Variants in RBFOX1 observed in about 807,000 individuals in gnomAD.
RBFOX1 encodes the protein RNA binding fox-1 homolog 1.
Under a neutral mutation model 57.7 loss-of-function variants are expected in RBFOX1, and 8 were observed. That is an observed-to-expected ratio of 0.14 (90% CI 0.08 to 0.25). The LOEUF (loss-of-function observed/expected upper bound fraction) is 0.25. Among genes scored for constraint, RBFOX1 ranks in the 10% least tolerant of loss-of-function variants. RBFOX1 has a pLI of 1.00. For missense variants in RBFOX1, 611 were observed against 548.5 expected (o/e 1.11, Z -1.14); for synonymous variants, 326 against 222.4 (o/e 1.47, Z -4.15).
At chr16:5,350,087 G>A (rs567473047) in intron 1 of RBFOX1, among the ~76,000 whole-genome samples, 2 of 152,266 alleles carry the variant, frequency 1.3e-5, no homozygotes, top group Non-Finnish European at 2.9e-5. Flanking sequence ...GGTAGAAGTG[G>A]GATCTTTTAA....
chr16:5,643,938 G>A (rs1416529543), intron 3 of RBFOX1, among the ~76,000 whole-genome samples: 1 of 152,158 alleles, frequency 6.6e-6, no homozygotes, highest in Non-Finnish European at 1.5e-5. Context: ...TATACCAAAT[G>A]GGCCTATTTA....
intron 1 of RBFOX1, among the ~76,000 whole-genome samples, chr16:6,291,949 A>ATGTGTGTG (rs112285049): frequency 1.7e-4 from 25 of 149,544 alleles, no homozygotes; most frequent in African/African-American, 3.9e-4. Flanking sequence ...GTTGGAATGA[A>ATGTGTGTG]TGTGTGTGTG....
intron 4 of RBFOX1, among the ~76,000 whole-genome samples, chr16:7,223,001 C>G (rs1490430801): frequency 6.6e-6 from 1 of 152,180 alleles, no homozygotes; most frequent in Non-Finnish European, 1.5e-5. Flanking sequence ...TGGTCAGACC[C>G]ATGAGGCTTC....
At chr16:6,983,359 G>A (rs2089453846) in intron 3 of RBFOX1, among the ~76,000 whole-genome samples, 1 of 151,972 alleles carries the variant, frequency 6.6e-6, no homozygotes, top group South Asian at 2.1e-4. Context: ...AATTATTGGT[G>A]GGGGGTGGTC....
Position 6,974,336 on chromosome 16 carries a change from C to CTTTTTTTTTTTTTTTTTTTTTTTTTT in RBFOX1, c.-15-77720_-15-77695dup, listed in dbSNP as rs59299498. ...ATATAAATCACATTTTTTTCTTTTT[C>CTTTTTTTTTTTTTTTTTTTTTTTTTT]TTTTTTTTTTTTTTTTTTTTTTTTT... On this transcript the variant is annotated intron_variant, in intron 3 of 15. Coordinates refer to ENST00000550418, the MANE Select transcript of RBFOX1 (RefSeq NM_018723.4). Among the ~76,000 whole-genome samples the CTTTTTTTTTTTTTTTTTTTTTTTTTT allele has an allele frequency of 1.2e-4, 7 of 58,664 alleles. 1 individual carries two copies. The highest frequency in any genetic ancestry group is 1.5e-4 in the Non-Finnish European group (5 of 32,730). 38.5% of individuals were successfully genotyped at this position (58,664 alleles called of 152,430 possible).
intron 1 of RBFOX1, among the ~76,000 whole-genome samples, chr16:6,296,142 A>G (rs1194083421): frequency 6.6e-6 from 1 of 152,126 alleles, no homozygotes; most frequent in Non-Finnish European, 1.5e-5. Flanking sequence ...GCACGGTTGG[A>G]AGGTCCCTCA....
At chr16:5,837,172 C>G (rs1270779161) in intron 3 of RBFOX1, among the ~76,000 whole-genome samples, 4 of 152,098 alleles carry the variant, frequency 2.6e-5, no homozygotes, top group African/African-American at 9.7e-5. Flanking sequence ...TTTCATGATC[C>G]TCCTTTCCCA....
intron 3 of RBFOX1, among the ~76,000 whole-genome samples, chr16:6,830,861 A>G (rs1323011958): frequency 6.6e-6 from 1 of 152,184 alleles, no homozygotes; most frequent in Non-Finnish European, 1.5e-5. Context: ...AAAATTATTC[A>G]AGATAGTAAC....
rs1270821846 is a variant in RBFOX1, at chr16:5,240,022, C to G, written c.136C>G (p.Pro46Ala). Residue 46 changes from proline (P) to alanine (A), a missense_variant, in exon 1 of 3, where the codon CCC becomes GCC. Pro to Ala is a conservative substitution (Grantham distance 27). Transcript: ENST00000585867. ...GGGGCTGGAGGGGGGAAGCGCACAG[C>G]CCGAGGACTGCGAGGACGGGAAGGA... The G allele has an allele frequency of 2.0e-6, 3 of 1,531,936 alleles. No individual in the cohort carries two copies. In the East Asian group the frequency reaches 7.4e-5, roughly 38 times the overall value. The allele number at this position is 1,531,936 out of a possible 1,614,324, so 94.9% of individuals were successfully genotyped here.
chr16:6,672,128 G>A (rs2098769275), intron 3 of RBFOX1, among the ~76,000 whole-genome samples: 1 of 152,122 alleles, frequency 6.6e-6, no homozygotes, highest in Non-Finnish European at 1.5e-5. Flanking sequence ...TACTGGTATT[G>A]GAGGCTAAGG....
At chr16:6,876,034 A>G (rs1432068485) in intron 3 of RBFOX1, among the ~76,000 whole-genome samples, 1 of 151,900 alleles carries the variant, frequency 6.6e-6, no homozygotes, top group Admixed American at 6.6e-5. Context: ...ATAAGCAGGC[A>G]TAGTAACACA....
chr16:7,505,964 T>A (rs1001931802), intron 4 of RBFOX1, among the ~76,000 whole-genome samples: 7 of 151,904 alleles, frequency 4.6e-5, no homozygotes, highest in Admixed American at 3.9e-4. Flanking sequence ...GGTGAGTGGA[T>A]CACAAGGTCA....
intron 4 of RBFOX1, among the ~76,000 whole-genome samples, chr16:7,351,715 C>A (rs1225087593): frequency 6.6e-6 from 1 of 152,114 alleles, no homozygotes; most frequent in Non-Finnish European, 1.5e-5. Flanking sequence ...CTCTCCCATG[C>A]CCTAAATACC....
At chr16:5,774,956 T>A (rs1378791675) in intron 3 of RBFOX1, among the ~76,000 whole-genome samples, 1 of 152,188 alleles carries the variant, frequency 6.6e-6, no homozygotes, top group East Asian at 1.9e-4. Context: ...GTGTTGAGAT[T>A]GCAGGAATGA....
chr16:7,412,473 C>G (rs571504364), intron 4 of RBFOX1, among the ~76,000 whole-genome samples: 1 of 150,392 alleles, frequency 6.6e-6, no homozygotes, highest in Non-Finnish European at 1.5e-5. Flanking sequence ...ATTCTCTGTA[C>G]AAACTTCACA....
intron 3 of RBFOX1, among the ~76,000 whole-genome samples, chr16:5,654,129 C>T (rs2049342007): frequency 1.3e-5 from 2 of 152,212 alleles, no homozygotes; most frequent in South Asian, 4.1e-4. Context: ...CTCGAGCATG[C>T]ACCTGCTGTG....
intron 1 of RBFOX1, among the ~76,000 whole-genome samples, chr16:5,460,867 G>T (rs1296355559): frequency 6.6e-6 from 1 of 152,194 alleles, no homozygotes; most frequent in Non-Finnish European, 1.5e-5. Flanking sequence ...CACATCACCT[G>T]GCTGGCACTG....
chr16:5,974,966 C>G (rs1485255037), intron 4 of RBFOX1, among the ~76,000 whole-genome samples: 1 of 152,070 alleles, frequency 6.6e-6, no homozygotes, highest in Non-Finnish European at 1.5e-5. Context: ...AGAGAACACG[C>G]CTTTGCACTC....
intron 1 of RBFOX1, among the ~76,000 whole-genome samples, chr16:5,392,173 G>T (rs1018188659): frequency 1.3e-5 from 2 of 151,954 alleles, no homozygotes; most frequent in African/African-American, 2.4e-5. Context: ...ACTACAAATT[G>T]GGTTCATTAT....
Sources: allele counts gnomAD v4.1 joint callset (sites outside exome capture counted in the v4.1 genomes callset), GRCh38; gene constraint gnomAD v4.1.1; transcripts MANE v1.5; gene names NCBI Gene and HGNC (gene_info 2026-07-23, HGNC 2026-07-21).